The following UGT2A1 variants were observed in gnomAD, a reference collection of about 807,000 sequenced individuals.
UGT2A1 encodes the protein UDP glucuronosyltransferase family 2 member A1 complex locus, also known as UDP-glucuronosyltransferase 2A1.
In UGT2A1, 61 loss-of-function variants were observed where a neutral mutation model predicts 45.4. That is an observed-to-expected ratio of 1.34 (90% CI 1.09 to 1.66). The LOEUF (loss-of-function observed/expected upper bound fraction) is 1.66. Ranked by LOEUF, UGT2A1 falls within the 40% of genes most tolerant of loss-of-function variation. The pLI, the probability that UGT2A1 is intolerant of heterozygous loss-of-function variation, is 0.00. For missense variants in UGT2A1, 649 were observed against 574.3 expected, an observed-to-expected ratio of 1.13 and a Z score of -1.33; for synonymous variants, 229 against 196.2, an observed-to-expected ratio of 1.17 and a Z score of -1.40.
rs571248320 is a variant in UGT2A1, at chr4:69,602,463, T to TC, written c.848-3070_848-3069insG. ...TTTAGAATAACAAAGATTTAGGAGT[T>TC]TATCTATCTATCTATCTATCTATCT... On this transcript the variant is annotated intron_variant, in intron 3 of 6. Transcript: ENST00000286604. Among the ~76,000 whole-genome samples, 66 of 100,920 alleles carry TC rather than the reference T, an allele frequency of 6.5e-4. 11 individuals carry two copies. Among genetic ancestry groups the TC allele is most frequent in the African/African-American group, 9.0e-4 (23 of 25,474 alleles). 66.2% of individuals were successfully genotyped at this position (100,920 alleles called of 152,430 possible). A position where few individuals can be genotyped will look rare whatever the true frequency, so the allele number is the denominator to read the frequency against.
chr4:69,594,101 A>G (rs1170848954), intron 6 of UGT2A1, among the ~76,000 whole-genome samples: 1 of 150,968 alleles, frequency 6.6e-6, no homozygotes, highest in African/African-American at 2.4e-5. Flanking sequence ...CAGCCTCCTG[A>G]GTAGCTGGGA....
intron 3 of UGT2A1, among the ~76,000 whole-genome samples, chr4:69,634,620 A>T (rs1435335468): frequency 1.3e-5 from 2 of 152,178 alleles, no homozygotes; most frequent in Non-Finnish European, 2.9e-5. Flanking sequence ...AACAACTGAT[A>T]ATCACTTTAT....
chr4:69,595,119 T>A, intron 5 of UGT2A1, 43 bp downstream of exon 5: 1 of 1,607,918 alleles, frequency 6.2e-7, no homozygotes. Flanking sequence ...ACTTAACTTG[T>A]CTATTGTCCC....
intron 3 of UGT2A1, among the ~76,000 whole-genome samples, chr4:69,610,556 T>C (rs895411966): frequency 6.6e-6 from 1 of 152,194 alleles, no homozygotes; most frequent in Non-Finnish European, 1.5e-5. Flanking sequence ...GTGTTATGAA[T>C]TGAATTGTAC....
intron 2 of UGT2A1, among the ~76,000 whole-genome samples, chr4:69,636,095 A>G (rs1721693903): frequency 6.6e-6 from 1 of 152,140 alleles, no homozygotes; most frequent in South Asian, 2.1e-4. Context: ...AACTGGTGCA[A>G]TCAAATATGT....
chr4:69,634,431 G>A (rs1299136283), intron 3 of UGT2A1, among the ~76,000 whole-genome samples: 2 of 151,956 alleles, frequency 1.3e-5, no homozygotes, highest in Non-Finnish European at 2.9e-5. Flanking sequence ...GATAGGAAAC[G>A]GAGAGAAGCA....
At chr4:69,605,858 C>G (rs1577959445) in intron 3 of UGT2A1, among the ~76,000 whole-genome samples, 2 of 136,608 alleles carry the variant, frequency 1.5e-5, no homozygotes, top group African/African-American at 5.9e-5. Context: ...GTACACCCTC[C>G]CAAGACTAAA....
At chr4:69,600,226 C>T (rs1278085308) in intron 3 of UGT2A1, among the ~76,000 whole-genome samples, 1 of 152,216 alleles carries the variant, frequency 6.6e-6, no homozygotes, top group Middle Eastern at 3.4e-3. Flanking sequence ...TTAACCCTAC[C>T]CAGTACTGGA....
intron 3 of UGT2A1, among the ~76,000 whole-genome samples, chr4:69,620,372 C>T (rs1452414354): frequency 1.5e-5 from 2 of 132,028 alleles, no homozygotes; most frequent in Non-Finnish European, 3.4e-5. Context: ...AAGGCAATCC[C>T]ATTCACAATT....
chr4:69,599,162 TTTG>T, intron 4 of UGT2A1, 81 bp downstream of exon 4: 3 of 1,462,968 alleles, frequency 2.1e-6, no homozygotes, highest in Non-Finnish European at 2.7e-6. Context: ...GCAGCATTTA[TTTG>T]TTATTGAGGC....
At chr4:69,617,213 T>C (rs956958664) in intron 3 of UGT2A1, among the ~76,000 whole-genome samples, 23 of 151,908 alleles carry the variant, frequency 1.5e-4, no homozygotes, top group African/African-American at 5.1e-4. Context: ...ATGTAGTCCT[T>C]AGGTTAAAGT....
chr4:69,619,080 G>C (rs1458173261), intron 3 of UGT2A1, among the ~76,000 whole-genome samples: 1 of 151,688 alleles, frequency 6.6e-6, no homozygotes, highest in African/African-American at 2.4e-5. Flanking sequence ...TCAGAAAAAA[G>C]TTTATCAATA....
At chr4:69,596,307 GT>G in intron 4 of UGT2A1, 1 of 1,608,178 alleles carries the variant, frequency 6.2e-7, no homozygotes. Context: ...CTTCTGTAAG[GT>G]TTTTGACCAT....
intron 3 of UGT2A1, among the ~76,000 whole-genome samples, chr4:69,602,583 T>C (rs1450963980): frequency 7.3e-6 from 1 of 137,466 alleles, no homozygotes; most frequent in Non-Finnish European, 1.6e-5. Context: ...GTTTTAATTT[T>C]GCTGAATGCA....
rs1722309794 is a variant in UGT2A1 at position 69,647,203 on chromosome 4, C to T, written c.442G>A (p.Val148Met). ...KLKKSKFEVL[V>M]SDPVFPCGDI... ...CCACAAGGAAATACTGGATCAGACA[C>T]CAGGACTTCAAACTTGCTTTTCTTT... Residue 148 changes from valine (V) to methionine (M), a missense_variant, in exon 2 of 7, where the codon GTG becomes ATG. Physicochemically the swap from Val to Met is conservative, Grantham distance 21. Transcript: ENST00000286604. 6.2e-7 allele frequency: 1 copy of T among 1,613,248 alleles called. No individual in the cohort carries two copies. Among genetic ancestry groups the T allele is most frequent in the Non-Finnish European group, 8.5e-7 (1 of 1,179,434 alleles).
intron 3 of UGT2A1, among the ~76,000 whole-genome samples, chr4:69,602,787 T>A (rs1337283156): frequency 7.3e-6 from 1 of 137,398 alleles, no homozygotes; most frequent in Non-Finnish European, 1.6e-5. Context: ...GATAAGAAGA[T>A]CAAAATTCAT....
At chr4:69,629,942 T>C (rs1721293931) in intron 3 of UGT2A1, among the ~76,000 whole-genome samples, 1 of 152,076 alleles carries the variant, frequency 6.6e-6, no homozygotes, top group South Asian at 2.1e-4. Flanking sequence ...ATCATTGCAA[T>C]AGAAATTTCT....
At chr4:69,621,408 AC>A (rs1720748693) in intron 3 of UGT2A1, among the ~76,000 whole-genome samples, 1 of 152,040 alleles carries the variant, frequency 6.6e-6, no homozygotes, top group African/African-American at 2.4e-5. Flanking sequence ...AAAGCTAAAT[AC>A]CACTGATTAT....
intron 4 of UGT2A1, among the ~76,000 whole-genome samples, chr4:69,598,310 A>T (rs1719058054): frequency 6.6e-6 from 1 of 152,130 alleles, no homozygotes; most frequent in African/African-American, 2.4e-5. Flanking sequence ...CTTGTGTATA[A>T]ACCAAGTAAA....
Sources: gnomAD v4.1 joint callset for allele counts (sites outside exome capture counted in the v4.1 genomes callset) on GRCh38, gnomAD v4.1.1 for gene constraint, MANE v1.5 for transcripts, NCBI Gene and HGNC (gene_info 2026-07-23, HGNC 2026-07-21) for gene names.